Variants in RSF1 observed in about 807,000 individuals in gnomAD.
RSF1 encodes the protein remodeling and spacing factor 1.
Under a neutral mutation model 145.2 loss-of-function variants are expected in RSF1, and 13 were observed. The ratio of observed to expected loss-of-function variants is 0.09; its 90% CI spans 0.06 to 0.14. RSF1 has a LOEUF of 0.14. Ranked by LOEUF, RSF1 falls within the 10% of genes least tolerant of loss-of-function variation. The pLI is 1.00. For synonymous variants in RSF1, 577 were observed against 592.6 expected (o/e 0.97, Z 0.38); for missense variants, 1,517 against 1,718.2 (o/e 0.88, Z 2.07).
At chr11:77,747,649 T>C (rs1219282255) in intron 2 of RSF1, among the ~76,000 whole-genome samples, 2 of 152,224 alleles carry the variant, frequency 1.3e-5, no homozygotes, top group African/African-American at 4.8e-5. Flanking sequence ...TCTAGGCTTC[T>C]CTTTCTACAC....
chr11:77,681,732 C>G (rs534688623), intron 11 of RSF1, among the ~76,000 whole-genome samples: 5 of 152,222 alleles, frequency 3.3e-5, no homozygotes, highest in Non-Finnish European at 5.9e-5. Flanking sequence ...AAACTATAGC[C>G]TTTTGCATCT....
chr11:77,677,352 C>T (rs1273676320), intron 12 of RSF1, among the ~76,000 whole-genome samples: 1 of 152,148 alleles, frequency 6.6e-6, no homozygotes, highest in East Asian at 1.9e-4. Flanking sequence ...ATTTTCATCA[C>T]CCAAAAAAGA....
chr11:77,811,059 T>C (rs1948726018), intron 1 of RSF1, among the ~76,000 whole-genome samples: 1 of 152,162 alleles, frequency 6.6e-6, no homozygotes, highest in Non-Finnish European at 1.5e-5. Flanking sequence ...CCCAGCCCAA[T>C]ACTTTAGGTT....
At chr11:77,828,395 C>T in the RSF1 span, among the ~76,000 whole-genome samples, 5 of 151,872 alleles carry the variant, frequency 3.3e-5, no homozygotes, top group South Asian at 2.1e-4. Context: ...TAGCCGGGTG[C>T]GGTGGCTCAC....
intron 1 of RSF1, among the ~76,000 whole-genome samples, chr11:77,817,609 A>G (rs537500585): frequency 6.6e-6 from 1 of 152,346 alleles, no homozygotes; most frequent in South Asian, 2.1e-4. Context: ...GGCAAGGTAT[A>G]TAATTTTGTG....
intron 11 of RSF1, among the ~76,000 whole-genome samples, chr11:77,680,184 C>T (rs746140784): frequency 6.6e-6 from 1 of 152,038 alleles, no homozygotes; most frequent in Non-Finnish European, 1.5e-5. Context: ...AGTGGCTCAG[C>T]ACTCTTGGGA....
chr11:77,808,031 AT>A (rs1402239307), intron 1 of RSF1, among the ~76,000 whole-genome samples: 1 of 152,128 alleles, frequency 6.6e-6, no homozygotes, highest in Non-Finnish European at 1.5e-5. Context: ...CATTAAAAAA[AT>A]TTTTTAAATA....
chr11:77,821,118 A>G (rs961170116), upstream of RSF1: 1 of 434,802 alleles, frequency 2.3e-6, no homozygotes. Flanking sequence ...GGCGCTGTTC[A>G]ACTGCAGGGC....
the RSF1 span, among the ~76,000 whole-genome samples, chr11:77,865,802 G>A: frequency 5.9e-5 from 9 of 152,146 alleles, no homozygotes; most frequent in South Asian, 2.1e-4. Context: ...TGTATGAAAT[G>A]TTTCCTCTAT....
chr11:77,803,235 C>CCT (rs1252726008), intron 1 of RSF1, among the ~76,000 whole-genome samples: 2 of 152,058 alleles, frequency 1.3e-5, no homozygotes. Flanking sequence ...GGAGCCTCCA[C>CCT]CTCCTGGGCT....
At chr11:77,798,977 GA>G (rs1024213095) in intron 1 of RSF1, among the ~76,000 whole-genome samples, 15 of 139,788 alleles carry the variant, frequency 1.1e-4, no homozygotes, top group African/African-American at 4.0e-4. Flanking sequence ...AAAAAAAAAA[GA>G]AAAAAAAGAG....
At chr11:77,728,492 TGGAGAAACA>T (rs1312418294) in intron 4 of RSF1, among the ~76,000 whole-genome samples, 1 of 126,248 alleles carries the variant, frequency 7.9e-6, no homozygotes, top group Non-Finnish European at 1.6e-5. Context: ...CTGACCAACA[TGGAGAAACA>T]GGAAAGGAAA....
chr11:77,864,458 AAAAG>A, the RSF1 span, among the ~76,000 whole-genome samples: 1 of 152,034 alleles, frequency 6.6e-6, no homozygotes, highest in African/African-American at 2.4e-5. Flanking sequence ...AAAAATAAAA[AAAAG>A]AACATAGTGG....
chr11:77,704,994 GCC>G (rs1960512421), intron 5 of RSF1, among the ~76,000 whole-genome samples: 1 of 152,004 alleles, frequency 6.6e-6, no homozygotes, highest in Admixed American at 6.6e-5. Context: ...CAGGTGATCC[GCC>G]CACCTTGGCC....
chr11:77,672,269 G>C, intron 14 of RSF1, 39 bp from the exon 15 acceptor site: 1 of 1,510,962 alleles, frequency 6.6e-7, no homozygotes, highest in Middle Eastern at 1.8e-4. Context: ...CAAAATTTAA[G>C]TCTATTTAGA....
chr11:77,697,656 A>G (rs1487294690), intron 7 of RSF1, among the ~76,000 whole-genome samples: 4 of 150,356 alleles, frequency 2.7e-5, no homozygotes, highest in Non-Finnish European at 5.9e-5. Flanking sequence ...TTTGGAATAT[A>G]TCTGGTCTAC....
rs1960061987 is a variant in RSF1, at chr11:77,688,252, A to T, written c.2900+2907T>A. On this transcript the variant is annotated intron_variant, in intron 9 of 15. Coordinates refer to ENST00000308488, the MANE Select transcript of RSF1 (RefSeq NM_016578.4). ...GGTTGCAGTGAGCTGAGACCCTGCC[A>T]CTGTACCTGAACTCCAGCCTGGGTG... Among the ~76,000 whole-genome samples, 6 of 152,278 alleles carry T rather than the reference A, an allele frequency of 3.9e-5. No homozygotes were observed. In the South Asian group the frequency reaches 1.2e-3, roughly 32 times the overall value.
chr11:77,870,527 C>CG, the RSF1 span, among the ~76,000 whole-genome samples: 1 of 151,388 alleles, frequency 6.6e-6, no homozygotes, highest in African/African-American at 2.4e-5. Context: ...TTAGTAGAGA[C>CG]GGGGTTTCAC....
the RSF1 span, among the ~76,000 whole-genome samples, chr11:77,850,078 T>C: frequency 1.3e-5 from 2 of 152,190 alleles, no homozygotes; most frequent in Non-Finnish European, 2.9e-5. Context: ...TGAATTGAAA[T>C]TTTCATTATA....
Sources: allele counts gnomAD v4.1 joint callset (sites outside exome capture counted in the v4.1 genomes callset), GRCh38; gene constraint gnomAD v4.1.1; transcripts MANE v1.5; gene names NCBI Gene and HGNC (gene_info 2026-07-23, HGNC 2026-07-21).